The following SEMA5A variants were observed in gnomAD, a reference collection of about 807,000 sequenced individuals.
The protein encoded by SEMA5A is semaphorin-5A.
Under a neutral mutation model 135.5 loss-of-function variants are expected in SEMA5A, and 55 were observed. The ratio of observed to expected loss-of-function variants is 0.41; its 90% confidence interval spans 0.33 to 0.51. The LOEUF (loss-of-function observed/expected upper bound fraction) is 0.51. Ranked by LOEUF, SEMA5A falls within the 20% of genes least tolerant of loss-of-function variation. The pLI is 0.37. For synonymous variants in SEMA5A, 580 were observed against 546.5 expected (o/e 1.06, Z -0.85); for missense variants, 1,290 against 1,419.9 (o/e 0.91, Z 1.47).
At chr5:9,507,722 G>C (rs1249833056) in intron 1 of SEMA5A, among the ~76,000 whole-genome samples, 2 of 152,118 alleles carry the variant, frequency 1.3e-5, no homozygotes. Flanking sequence ...TAAAACTTCA[G>C]GGACGGGTGC....
intron 2 of SEMA5A, among the ~76,000 whole-genome samples, chr5:9,436,693 A>C (rs1271476679): frequency 6.6e-6 from 1 of 152,220 alleles, no homozygotes; most frequent in African/African-American, 2.4e-5. Flanking sequence ...AAAAATAAAT[A>C]AGTTAATAAA....
intron 2 of SEMA5A, among the ~76,000 whole-genome samples, chr5:9,418,008 G>A (rs1021203913): frequency 2.7e-5 from 4 of 146,104 alleles, no homozygotes; most frequent in South Asian, 2.2e-4. Flanking sequence ...ATGGAGTCTC[G>A]CTCTGTCGCC....
rs182817651 is a variant in SEMA5A at position 9,309,937 on chromosome 5, C to T, written c.270+8435G>A. Among the ~76,000 whole-genome samples the T allele has an allele frequency of 4.7e-3, 49 of 10,330 alleles. No homozygotes were observed. In the East Asian group the frequency reaches 0.11, roughly 22 times the overall value. 6.8% of individuals were successfully genotyped at this position (10,330 alleles called of 152,430 possible). A position where few individuals can be genotyped will look rare whatever the true frequency, so the allele number is the denominator to read the frequency against. ...AGAATCTGAGGAGGACCGTTGGTAA[C>T]GCTGTCTCAGGTTACCAACTTCTGG... is the stretch of plus-strand genomic sequence containing the variant. On this transcript the variant is annotated intron_variant, in intron 5 of 22. Transcript: ENST00000382496.
At chr5:9,096,872 C>A (rs562328120) in intron 16 of SEMA5A, among the ~76,000 whole-genome samples, 1 of 152,002 alleles carries the variant, frequency 6.6e-6, no homozygotes, top group African/African-American at 2.4e-5. Flanking sequence ...CAGGAAAACA[C>A]AAATCAAAAC....
intron 6 of SEMA5A, among the ~76,000 whole-genome samples, chr5:9,233,782 C>A (rs1044047190): frequency 1.3e-5 from 2 of 152,146 alleles, no homozygotes; most frequent in Non-Finnish European, 2.9e-5. Flanking sequence ...AGGAATGCTC[C>A]CATCAGAACA....
chr5:9,432,795 A>G (rs1757902973), intron 2 of SEMA5A, among the ~76,000 whole-genome samples: 1 of 152,220 alleles, frequency 6.6e-6, no homozygotes, highest in Admixed American at 6.5e-5. Flanking sequence ...GATACCCACC[A>G]TGTAACATTT....
chr5:9,118,342 A>G (rs1026485387), intron 15 of SEMA5A, among the ~76,000 whole-genome samples: 5 of 152,236 alleles, frequency 3.3e-5, no homozygotes, highest in African/African-American at 1.2e-4. Context: ...ATGATCTTGC[A>G]AAACAGATTC....
At chr5:9,464,044 G>C (rs990007680) in intron 1 of SEMA5A, among the ~76,000 whole-genome samples, 1 of 152,098 alleles carries the variant, frequency 6.6e-6, no homozygotes, top group African/African-American at 2.4e-5. Context: ...CCTCTGTCAT[G>C]GGGGAGCTGG....
At chr5:9,331,651 T>C (rs1216409410) in intron 4 of SEMA5A, among the ~76,000 whole-genome samples, 2 of 152,204 alleles carry the variant, frequency 1.3e-5, no homozygotes, top group African/African-American at 2.4e-5. Flanking sequence ...AAGAATATTA[T>C]AAAAGTTTCC....
intron 5 of SEMA5A, among the ~76,000 whole-genome samples, chr5:9,264,537 C>T (rs1749578765): frequency 6.6e-6 from 1 of 152,160 alleles, no homozygotes; most frequent in African/African-American, 2.4e-5. Flanking sequence ...GAAGGCAGAA[C>T]TGATGTCAGC....
At chr5:9,352,221 G>A (rs1487957241) in intron 3 of SEMA5A, among the ~76,000 whole-genome samples, 1 of 151,984 alleles carries the variant, frequency 6.6e-6, no homozygotes, top group African/African-American at 2.4e-5. Context: ...AGTCCTACAT[G>A]TCATCTGTAT....
chr5:9,197,746 G>T (rs12520921), intron 9 of SEMA5A, among the ~76,000 whole-genome samples: 5,982 of 62,202 alleles, frequency 0.096, 175 homozygotes, highest in African/African-American at 0.18. Flanking sequence ...GTGTGTGTGT[G>T]TGTGTGTGTG....
intron 1 of SEMA5A, among the ~76,000 whole-genome samples, chr5:9,534,625 C>T (rs1395694814): frequency 6.6e-6 from 1 of 152,078 alleles, no homozygotes; most frequent in South Asian, 2.1e-4. Context: ...AGAGTTCTTG[C>T]ACCTCGTGCA....
chr5:9,404,965 C>T (rs1451859803), intron 2 of SEMA5A, among the ~76,000 whole-genome samples: 1 of 152,164 alleles, frequency 6.6e-6, no homozygotes, highest in Non-Finnish European at 1.5e-5. Context: ...ATAAGGTAAC[C>T]AGCTCTCCAG....
At chr5:9,379,799 A>C in intron 3 of SEMA5A, 24 bp downstream of exon 3, 3 of 1,603,426 alleles carry the variant, frequency 1.9e-6, no homozygotes, top group South Asian at 2.2e-5. Flanking sequence ...ACGGCTTTGC[A>C]ATCAGTGCGT....
chr5:9,264,433 A>G (rs553250847), intron 5 of SEMA5A, among the ~76,000 whole-genome samples: 3 of 152,250 alleles, frequency 2.0e-5, no homozygotes, highest in Non-Finnish European at 4.4e-5. Context: ...AACGCATTTT[A>G]TTTCAATATG....
At chr5:9,344,215 G>A (rs1257860056) in intron 3 of SEMA5A, among the ~76,000 whole-genome samples, 7 of 152,118 alleles carry the variant, frequency 4.6e-5, no homozygotes, top group Non-Finnish European at 7.3e-5. Context: ...CTTGTGAAGC[G>A]AGAGCTATCA....
chr5:9,247,266 T>C (rs1289858785), intron 5 of SEMA5A, among the ~76,000 whole-genome samples: 1 of 152,208 alleles, frequency 6.6e-6, no homozygotes, highest in Non-Finnish European at 1.5e-5. Context: ...AAGCCACCTA[T>C]ATTGGCATCA....
chr5:9,458,628 C>A (rs183827792), intron 1 of SEMA5A, among the ~76,000 whole-genome samples: 1 of 152,236 alleles, frequency 6.6e-6, no homozygotes, highest in East Asian at 1.9e-4. Context: ...TGGGAGAGAG[C>A]CAAACACAGA....
Sources: gnomAD v4.1 joint callset for allele counts (sites outside exome capture counted in the v4.1 genomes callset) on GRCh38, gnomAD v4.1.1 for gene constraint, MANE v1.5 for transcripts, NCBI Gene and HGNC (gene_info 2026-07-23, HGNC 2026-07-21) for gene names.